The following LYPLAL1 variants were observed in gnomAD, a reference collection of about 807,000 sequenced individuals.
LYPLAL1 encodes lysophospholipase like 1, also known as lysophospholipase-like protein 1.
Under a neutral mutation model 19.7 loss-of-function variants are expected in LYPLAL1, and 23 were observed. The ratio of observed to expected loss-of-function variants is 1.17; its 90% CI spans 0.84 to 1.65. The LOEUF (loss-of-function observed/expected upper bound fraction) is 1.65, where lower values mean the gene tolerates loss of function less well. Among genes scored for constraint, LYPLAL1 ranks in the 40% most tolerant of loss-of-function variants. The pLI is 0.00. For missense variants in LYPLAL1, 355 were observed against 279.4 expected, an observed-to-expected ratio of 1.27 and a Z score of -1.93; for synonymous variants, 119 against 96.3, an observed-to-expected ratio of 1.24 and a Z score of -1.38.
At chr1:219,373,727 A>G in the LYPLAL1 span, among the ~76,000 whole-genome samples, 4 of 152,204 alleles carry the variant, frequency 2.6e-5, no homozygotes, top group Admixed American at 6.5e-5. Context: ...GGATTCTATT[A>G]TAGCGAAGTA....
chr1:219,242,576 A>T, the LYPLAL1 span, among the ~76,000 whole-genome samples: 1 of 152,110 alleles, frequency 6.6e-6, no homozygotes, highest in African/African-American at 2.4e-5. Context: ...ATTTTTCTAA[A>T]TGGAAACTTT....
At chr1:219,440,241 C>T in the LYPLAL1 span, among the ~76,000 whole-genome samples, 19 of 151,934 alleles carry the variant, frequency 1.3e-4, no homozygotes, top group African/African-American at 4.3e-4. Flanking sequence ...ATTCTACAGT[C>T]TTAAATTTGA....
chr1:219,233,548 G>A, the LYPLAL1 span, among the ~76,000 whole-genome samples: 3 of 152,166 alleles, frequency 2.0e-5, no homozygotes, highest in South Asian at 4.1e-4. Context: ...CAAGTGAGTC[G>A]TTTGAACCCA....
At chr1:219,217,412 G>GTGTGTGTGTGTGTGT (rs1553304623), downstream of LYPLAL1, among the ~76,000 whole-genome samples, 2 of 70,760 alleles carry the variant, frequency 2.8e-5, no homozygotes, top group African/African-American at 4.1e-5. Context: ...GTGTGTGAGA[G>GTGTGTGTGTGTGTGT]ATGGTTGTAA....
At chr1:219,267,544 C>T in the LYPLAL1 span, among the ~76,000 whole-genome samples, 3 of 152,182 alleles carry the variant, frequency 2.0e-5, no homozygotes, top group Admixed American at 1.3e-4. Flanking sequence ...AAAACTAGGT[C>T]ATTAATATCT....
chr1:219,202,739 G>A (rs561090562), intron 3 of LYPLAL1, among the ~76,000 whole-genome samples: 49 of 152,020 alleles, frequency 3.2e-4, no homozygotes, highest in Admixed American at 3.3e-4. Flanking sequence ...GTGCAGTGGC[G>A]TGATCATAGC....
At chr1:219,259,563 T>C in the LYPLAL1 span, among the ~76,000 whole-genome samples, 1 of 151,556 alleles carries the variant, frequency 6.6e-6, no homozygotes, top group Non-Finnish European at 1.5e-5. Context: ...CATCGTATGT[T>C]CTCACTTATA....
chr1:219,232,052 A>G, the LYPLAL1 span, among the ~76,000 whole-genome samples: 3 of 152,186 alleles, frequency 2.0e-5, no homozygotes, highest in East Asian at 5.8e-4. Flanking sequence ...TCATTTTCAT[A>G]CAACTGGCCT....
chr1:219,381,835 C>T, the LYPLAL1 span, among the ~76,000 whole-genome samples: 1 of 152,204 alleles, frequency 6.6e-6, no homozygotes, highest in Non-Finnish European at 1.5e-5. Context: ...GGATTCAACA[C>T]ATGAAGAGGC....
At chr1:219,239,559 ATG>A in the LYPLAL1 span, among the ~76,000 whole-genome samples, 2 of 152,086 alleles carry the variant, frequency 1.3e-5, no homozygotes, top group South Asian at 2.1e-4. Context: ...GTGATTTGCA[ATG>A]TGTGTGTGTG....
At chr1:219,281,304 AAGAG>A in the LYPLAL1 span, among the ~76,000 whole-genome samples, 1 of 114,032 alleles carries the variant, frequency 8.8e-6, no homozygotes, top group African/African-American at 3.4e-5. Context: ...AATAAAAATA[AAGAG>A]AGAAAGGTAA....
chr1:219,262,300 C>T, the LYPLAL1 span, among the ~76,000 whole-genome samples: 1 of 152,058 alleles, frequency 6.6e-6, no homozygotes, highest in Non-Finnish European at 1.5e-5. Context: ...TCTTTCTCTG[C>T]TATCTCTTTG....
chr1:219,441,070 A>G, the LYPLAL1 span, among the ~76,000 whole-genome samples: 26 of 152,226 alleles, frequency 1.7e-4, no homozygotes, highest in South Asian at 4.1e-4. Context: ...TCCAATTAGC[A>G]AATTCTTACG....
At chr1:219,218,567 A>C in the LYPLAL1 span, among the ~76,000 whole-genome samples, 2 of 151,824 alleles carry the variant, frequency 1.3e-5, no homozygotes, top group Admixed American at 6.6e-5. Flanking sequence ...GCCCAAGACA[A>C]TCTTCTTCCA....
chr1:219,301,666 C>T, the LYPLAL1 span, among the ~76,000 whole-genome samples: 5 of 152,228 alleles, frequency 3.3e-5, no homozygotes, highest in African/African-American at 1.2e-4. Flanking sequence ...TTCAGTTACT[C>T]AATTGCCCCC....
intron 2 of LYPLAL1, among the ~76,000 whole-genome samples, chr1:219,180,603 T>G (rs1003055348): frequency 1.1e-4 from 16 of 152,312 alleles, no homozygotes; most frequent in African/African-American, 3.6e-4. Context: ...CAAAAAAGCT[T>G]CTTGTTACTG....
the LYPLAL1 span, among the ~76,000 whole-genome samples, chr1:219,309,702 T>C: frequency 1.3e-5 from 2 of 152,200 alleles, no homozygotes. Context: ...CCTTTTGCCT[T>C]CTGCCATGAT....
the LYPLAL1 span, among the ~76,000 whole-genome samples, chr1:219,408,558 T>TATA: frequency 6.6e-6 from 1 of 152,106 alleles, no homozygotes; most frequent in Non-Finnish European, 1.5e-5. Context: ...GTGGAGTGTT[T>TATA]TATAAATATA....
At chr1:219,221,000 T>C in the LYPLAL1 span, among the ~76,000 whole-genome samples, 1 of 152,182 alleles carries the variant, frequency 6.6e-6, no homozygotes, top group Admixed American at 6.5e-5. Context: ...CAGAAACATA[T>C]GGTCAATGTC....
Sources: gnomAD v4.1 joint callset for allele counts (sites outside exome capture counted in the v4.1 genomes callset) on GRCh38, gnomAD v4.1.1 for gene constraint, MANE v1.5 for transcripts, NCBI Gene and HGNC (gene_info 2026-07-23, HGNC 2026-07-21) for gene names.